HNF4A: variants seen among roughly 807,000 people sequenced by gnomAD.
The protein encoded by HNF4A is hepatocyte nuclear factor 4 alpha, also known as hepatocyte nuclear factor 4-alpha.
A neutral mutation model predicts 52.4 loss-of-function variants in HNF4A; 15 were observed. The ratio of observed to expected loss-of-function variants is 0.29; its 90% CI spans 0.19 to 0.44. HNF4A has a LOEUF of 0.44. Ranked by LOEUF, HNF4A falls within the 20% of genes least tolerant of loss-of-function variation. The probability of loss-of-function intolerance (pLI) is 1.00; values close to 1 mark genes in which losing one functional copy is unlikely to be tolerated. For missense variants in HNF4A, 479 were observed against 647.2 expected (o/e 0.74, Z 2.82); for synonymous variants, 280 against 264.4 (o/e 1.06, Z -0.57).
chr20:44,419,715 T>C lies in HNF4A; in HGVS notation c.737-6T>C. On this transcript the variant is annotated splice_region_variant and splice_polypyrimidine_tract_variant and intron_variant, in intron 6 of 9. Transcript: ENST00000316099. ...TCCCATCCTCCCTCCCTCCCAACCC[T>C]TCCAGGCAATGACTACATTGTCCCT... 1 of 1,032,046 alleles carries C rather than the reference T, an allele frequency of 9.7e-7. No homozygotes were observed. The highest frequency in any genetic ancestry group is 1.4e-6 in the Non-Finnish European group (1 of 705,972). The allele number at this position is 1,032,046 out of a possible 1,614,324, so 63.9% of individuals were successfully genotyped here.
At chr20:44,408,713 C>G (rs1312990489) in intron 3 of HNF4A, among the ~76,000 whole-genome samples, 1 of 152,016 alleles carries the variant, frequency 6.6e-6, no homozygotes, top group African/African-American at 2.4e-5. Flanking sequence ...GGCAAGACAG[C>G]GAGACTCTCT....
intron 1 of HNF4A, among the ~76,000 whole-genome samples, chr20:44,374,672 C>T (rs1482046154): frequency 1.3e-5 from 2 of 152,170 alleles, no homozygotes; most frequent in African/African-American, 4.8e-5. Flanking sequence ...CCATGTTAGC[C>T]AGGTTGGTCT....
Position 44,406,045 on chromosome 20 carries a change from T to C in HNF4A, c.116-13T>C, listed in dbSNP as rs1425725747. 6.2e-7 allele frequency: 1 copy of C among 1,611,132 alleles called. No individual in the cohort carries two copies. Among genetic ancestry groups the C allele is most frequent in the Non-Finnish European group, 8.5e-7 (1 of 1,179,506 alleles). The stretch of plus-strand genomic sequence containing the variant: ...TTCTTCCTGAAGCCTCACTCCCTTC[T>C]CTCCTGGCGCAGACACGTCCCCATC... On this transcript the variant is annotated splice_polypyrimidine_tract_variant and intron_variant, in intron 1 of 9. Coordinates refer to ENST00000316099, the MANE Select transcript of HNF4A (RefSeq NM_000457.6).
In HNF4A at chr20:44,432,020, C is replaced by G. The variant is rs555307252; in HGVS notation, c.*2355C>G. 6.6e-6 allele frequency: 1 copy of G among 152,262 alleles called. No individual in the cohort carries two copies. Among genetic ancestry groups the G allele is most frequent in the Admixed American group, 6.5e-5 (1 of 15,280 alleles). The allele number at this position is 152,262 out of a possible 1,614,324, so 9.4% of individuals were successfully genotyped here. On this transcript the variant is annotated 3_prime_UTR_variant, in exon 10 of 10. Coordinates refer to ENST00000316099, the MANE Select transcript of HNF4A (RefSeq NM_000457.6). ...CTGCCAGACGGCTCAGCCTGGTCTGCGGTAAGGCAGGGAGGCTGGAACCAT... is the reference window on the plus strand; with the variant it reads ...CTGCCAGACGGCTCAGCCTGGTCTGGGGTAAGGCAGGGAGGCTGGAACCAT...
intron 8 of HNF4A, among the ~76,000 whole-genome samples, chr20:44,427,535 C>T (rs1039133701): frequency 2.6e-5 from 4 of 152,178 alleles, no homozygotes; most frequent in Non-Finnish European, 5.9e-5. Flanking sequence ...ATTCCATCAT[C>T]GTCATATTAC....
intron 1 of HNF4A, among the ~76,000 whole-genome samples, chr20:44,391,027 C>A (rs1359167323): frequency 6.6e-6 from 1 of 152,146 alleles, no homozygotes; most frequent in Non-Finnish European, 1.5e-5. Context: ...TGAAGCAGGT[C>A]AAGAATCCAG....
In HNF4A at chr20:44,406,164, C is replaced by T. The variant is rs201852387; in HGVS notation, c.222C>T (p.Ala74=). 55 of 1,613,884 alleles carry T rather than the reference C, an allele frequency of 3.4e-5. No homozygotes were observed. The highest frequency in any genetic ancestry group is 4.4e-5 in the Non-Finnish European group (52 of 1,180,044). ...GGGCCACGGGCAAACACTACGGTGC[C>T]TCGAGCTGTGACGGCTGCAAGGGCT... is the stretch of plus-strand genomic sequence containing the variant. Residue 74 remains alanine, a synonymous_variant, in exon 2 of 10, where the codon GCC becomes GCT. Transcript: ENST00000316099.
intron 1 of HNF4A, among the ~76,000 whole-genome samples, chr20:44,371,299 C>T (rs945475014): frequency 2.6e-5 from 4 of 152,276 alleles, no homozygotes; most frequent in Admixed American, 6.5e-5. Flanking sequence ...GTTTTTGAGA[C>T]GGAGTCTCAA....
chr20:44,433,277 CT>C (rs2063898054), downstream of HNF4A: 2 of 153,104 alleles, frequency 1.3e-5, no homozygotes, highest in African/African-American at 2.4e-5. Context: ...AAGACAGAAC[CT>C]TTTGCTGGGT....
chr20:44,361,309 A>C (rs2062914354), intron 1 of HNF4A, among the ~76,000 whole-genome samples: 1 of 152,168 alleles, frequency 6.6e-6, no homozygotes, highest in Non-Finnish European at 1.5e-5. Flanking sequence ...AGTTCAGTTG[A>C]GGTATGGAAA....
chr20:44,420,288 C>A (rs889013795), intron 7 of HNF4A, among the ~76,000 whole-genome samples: 9 of 151,908 alleles, frequency 5.9e-5, no homozygotes, highest in Admixed American at 2.0e-4. Context: ...GCCAAGATCC[C>A]GCCACTGCAT....
intron 3 of HNF4A, 61 bp downstream of exon 3, chr20:44,407,536 C>T: frequency 1.8e-6 from 2 of 1,122,518 alleles, no homozygotes; most frequent in Non-Finnish European, 2.6e-6. Flanking sequence ...AGCTCCCCGA[C>T]AGTCATTTAC....
chr20:44,413,394 C>T (rs976417670), intron 3 of HNF4A, among the ~76,000 whole-genome samples: 1 of 152,148 alleles, frequency 6.6e-6, no homozygotes, highest in African/African-American at 2.4e-5. Flanking sequence ...CTAGTCAGAT[C>T]CCCTCCTCAA....
intron 1 of HNF4A, among the ~76,000 whole-genome samples, chr20:44,373,928 G>A (rs2063059279): frequency 6.6e-6 from 1 of 152,082 alleles, no homozygotes; most frequent in South Asian, 2.1e-4. Flanking sequence ...GACCTCTGGT[G>A]ATCCACCTAC....
intron 1 of HNF4A, among the ~76,000 whole-genome samples, chr20:44,385,171 G>A (rs1331943620): frequency 6.8e-6 from 1 of 147,174 alleles, no homozygotes; most frequent in Non-Finnish European, 1.5e-5. Context: ...ATCTAGGGAA[G>A]GGTAATAATT....
chr20:44,431,565 C>A lies in HNF4A; in HGVS notation c.*1900C>A. The A allele has an allele frequency of 6.6e-6, 1 of 152,264 alleles. No individual in the cohort carries two copies. The allele number at this position is 152,264 out of a possible 1,614,324, so 9.4% of individuals were successfully genotyped here. ...TGGGTTTGAGGGCTGCTCCGGAGAC[C>A]GTCACTCCAGGTGCATTCTGGAAGC... On this transcript the variant is annotated 3_prime_UTR_variant, in exon 10 of 10. Coordinates refer to ENST00000316099, the MANE Select transcript of HNF4A (RefSeq NM_000457.6).
intron 3 of HNF4A, among the ~76,000 whole-genome samples, chr20:44,408,813 C>G (rs1359230729): frequency 1.3e-5 from 2 of 152,166 alleles, no homozygotes; most frequent in Non-Finnish European, 1.5e-5. Flanking sequence ...TGCGACTAGT[C>G]CCAGACCTTC....
At chr20:44,365,031 G>A (rs766246942) in intron 1 of HNF4A, among the ~76,000 whole-genome samples, 1 of 152,238 alleles carries the variant, frequency 6.6e-6, no homozygotes, top group African/African-American at 2.4e-5. Flanking sequence ...TTGTAAAGGG[G>A]AGCGTGAATT....
upstream of HNF4A, among the ~76,000 whole-genome samples, chr20:44,400,553 G>C (rs1391626826): frequency 6.6e-6 from 1 of 152,152 alleles, no homozygotes; most frequent in African/African-American, 2.4e-5. Context: ...TGCTCCGGGA[G>C]GGGGTGGGGG....
Sources: allele counts gnomAD v4.1 joint callset (sites outside exome capture counted in the v4.1 genomes callset), GRCh38; gene constraint gnomAD v4.1.1; transcripts MANE v1.5; gene names NCBI Gene and HGNC (gene_info 2026-07-23, HGNC 2026-07-21).